Variants in RPH3AL observed in about 807,000 individuals in gnomAD.
The protein encoded by RPH3AL is rab effector Noc2.
A neutral mutation model predicts 43.1 loss-of-function variants in RPH3AL; 38 were observed. The ratio of observed to expected loss-of-function variants is 0.88; its 90% CI spans 0.68 to 1.15. RPH3AL has a LOEUF of 1.15. Ranked by LOEUF, RPH3AL falls within the 50% of genes most tolerant of loss-of-function variation. RPH3AL has a pLI of 0.00. For synonymous variants in RPH3AL, 189 were observed against 176.3 expected (o/e 1.07, Z -0.57); for missense variants, 462 against 423.2 (o/e 1.09, Z -0.81).
Position 258,434 on chromosome 17 carries a change from C to G in RPH3AL, c.439-11149G>C, listed in dbSNP as rs73971677. On this transcript the variant is annotated intron_variant, in intron 6 of 9. Transcript: ENST00000331302. ...ACTCAAGTTCCTGTAATTAATCAAA[C>G]GGACTTCCTATTTCAGATTAAAAGA... Among the ~76,000 whole-genome samples, 597 of 152,294 alleles carry G rather than the reference C, an allele frequency of 3.9e-3. 1 individual carries two copies. Among genetic ancestry groups the G allele is most frequent in the East Asian group, 0.015 (78 of 5,192 alleles).
intron 7 of RPH3AL, among the ~76,000 whole-genome samples, chr17:227,515 C>A (rs1443454511): frequency 8.5e-5 from 13 of 152,204 alleles, no homozygotes; most frequent in African/African-American, 3.1e-4. Context: ...TCAGCCACCA[C>A]CTGTCTCTGT....
chr17:242,283 C>CTACCTTCCTCTATTGAT lies in RPH3AL; in HGVS notation c.613+4811_613+4827dup, dbSNP rs1202787901. 1.3e-4 allele frequency among the ~76,000 whole-genome samples: 16 copies of CTACCTTCCTCTATTGAT among 121,396 alleles called. 1 individual carries two copies. Among genetic ancestry groups the CTACCTTCCTCTATTGAT allele is most frequent in the South Asian group, 2.7e-4 (1 of 3,760 alleles). 79.6% of individuals were successfully genotyped at this position (121,396 alleles called of 152,430 possible). A position where few individuals can be genotyped will look rare whatever the true frequency, so the allele number is the denominator to read the frequency against. Reference sequence around the variant, plus strand: ...TCTATTGATTACCTTCCTCTATTGACTACCTTCCTCTATTGATTACCTTCC... The same window carrying CTACCTTCCTCTATTGAT: ...TCTATTGATTACCTTCCTCTATTGACTACCTTCCTCTATTGATTACCTTCCTCTATTGATTACCTTCC... On this transcript the variant is annotated intron_variant, in intron 7 of 9. Transcript: ENST00000331302.
intron 7 of RPH3AL, among the ~76,000 whole-genome samples, chr17:235,251 A>C (rs71372174): frequency 0.13 from 13,719 of 105,668 alleles, 905 homozygotes; most frequent in Middle Eastern, 0.17. Flanking sequence ...AGACGGGTCC[A>C]GGGTCCAAAG....
At chr17:302,571 C>T (rs4354994) in intron 5 of RPH3AL, among the ~76,000 whole-genome samples, 40,600 of 152,022 alleles carry the variant, frequency 0.27, 5,723 homozygotes, top group South Asian at 0.39. Context: ...GACCCCAGGA[C>T]GAGGCTAAGC....
rs770337783 is a variant in RPH3AL, at chr17:333,106, G to A, written c.-37+653C>T. 84 of 1,282,138 alleles carry A rather than the reference G, an allele frequency of 6.6e-5. No homozygotes were observed. Among genetic ancestry groups the A allele is most frequent in the Middle Eastern group, 2.1e-4 (1 of 4,698 alleles). The allele number at this position is 1,282,138 out of a possible 1,614,324, so 79.4% of individuals were successfully genotyped here. A position where few individuals can be genotyped will look rare whatever the true frequency, so the allele number is the denominator to read the frequency against. On this transcript the variant is annotated intron_variant, in intron 2 of 9. Transcript: ENST00000331302. The surrounding 1 kb of genome is among the most constrained non-coding windows in gnomAD (Gnocchi z 4.5). Reference sequence around the variant, plus strand: ...CGAGAGCTCACCACCCCGGGCGTTCGTCACTGCAGACATCACTGCAGACAC... The same window carrying A: ...CGAGAGCTCACCACCCCGGGCGTTCATCACTGCAGACATCACTGCAGACAC...
chr17:236,373 C>G (rs576155533), intron 7 of RPH3AL, among the ~76,000 whole-genome samples: 1 of 152,372 alleles, frequency 6.6e-6, no homozygotes, highest in South Asian at 2.1e-4. Flanking sequence ...GTCCCCTGCC[C>G]TGCCTCAGCT....
chr17:283,645 C>T lies in RPH3AL; in HGVS notation c.352-1791G>A, dbSNP rs1274643529. On this transcript the variant is annotated intron_variant, in intron 5 of 9. Transcript: ENST00000331302. The surrounding 1 kb of genome is among the most constrained non-coding windows in gnomAD (Gnocchi z 4.2). ...CCTCACTGCTGGCCTTCTTGCTTCC[C>T]AAGCTCTCATGACCCCATGAGAGGG... Among the ~76,000 whole-genome samples the T allele has an allele frequency of 2.0e-5, 3 of 152,060 alleles. No homozygotes were observed. The highest frequency in any genetic ancestry group is 4.8e-5 in the African/African-American group (2 of 41,424).
At chr17:248,023 C>A (rs1213631366) in intron 6 of RPH3AL, among the ~76,000 whole-genome samples, 3 of 150,714 alleles carry the variant, frequency 2.0e-5, no homozygotes, top group Non-Finnish European at 4.4e-5. Flanking sequence ...AGCCCCCAAG[C>A]TCTCCTCCCT....
At chr17:242,016 C>CTA (rs2041550730) in intron 7 of RPH3AL, among the ~76,000 whole-genome samples, 2 of 151,976 alleles carry the variant, frequency 1.3e-5, no homozygotes, top group Admixed American at 1.3e-4. Context: ...ATTCAGGAGG[C>CTA]TAAGACTTGA....
At position 314,883 on chromosome 17, in the gene RPH3AL, A is replaced by T. The variant is rs1201324172; in HGVS notation, c.351+4537T>A. ...CTGTGCCCCACCTCCATTGACCTGT[A>T]GTCTCTGTGCTCCACCTCCATTGAC... On this transcript the variant is annotated intron_variant, in intron 5 of 9. Transcript: ENST00000331302. Among the ~76,000 whole-genome samples the T allele has an allele frequency of 1.1e-3, 110 of 99,820 alleles. No homozygotes were observed. The Middle Eastern group carries it at 0.033, about 30-fold the overall frequency. 65.5% of individuals were successfully genotyped at this position (99,820 alleles called of 152,430 possible). A position where few individuals can be genotyped will look rare whatever the true frequency, so the allele number is the denominator to read the frequency against.
intron 6 of RPH3AL, among the ~76,000 whole-genome samples, chr17:255,341 C>G (rs1262920637): frequency 2.7e-3 from 2 of 754 alleles, no homozygotes; most frequent in Non-Finnish European, 4.2e-3. Flanking sequence ...CCTGTTCCAT[C>G]CCTAGGAACG....
chr17:215,296 T>C lies in RPH3AL; in HGVS notation c.876+358A>G, dbSNP rs900546107. 1.3e-5 allele frequency among the ~76,000 whole-genome samples: 2 copies of C among 152,132 alleles called. No homozygotes were observed. The highest frequency in any genetic ancestry group is 2.9e-5 in the Non-Finnish European group (2 of 68,018). Reference sequence around the variant, plus strand: ...CCCAGGATTCTCCCCTCACTCTCTCTCTGTGCCTTGGTTTCTACACCCATC... The same window carrying C: ...CCCAGGATTCTCCCCTCACTCTCTCCCTGTGCCTTGGTTTCTACACCCATC... On this transcript the variant is annotated intron_variant, in intron 9 of 9. Coordinates refer to ENST00000331302, the MANE Select transcript of RPH3AL (RefSeq NM_006987.4). The surrounding 1 kb of genome is among the most constrained non-coding windows in gnomAD (Gnocchi z 4.1).
rs191621783 is a variant in RPH3AL, at chr17:290,720, C to T, written c.352-8866G>A. ...TTTCATGATGAGGAATTCCACCACG[C>T]TCCCGCAGATCAGAAGACGGGAAGG... On this transcript the variant is annotated intron_variant, in intron 5 of 9. Transcript: ENST00000331302. The surrounding 1 kb of genome is among the most constrained non-coding windows in gnomAD (Gnocchi z 4.2). 9.8e-5 allele frequency among the ~76,000 whole-genome samples: 15 copies of T among 152,310 alleles called. No individual in the cohort carries two copies. The South Asian group carries it at 2.3e-3, about 23-fold the overall frequency.
rs890442955 is a variant in RPH3AL, at chr17:327,588, A to C, written c.-36-9T>G. ...GGGGTGGGGAGTCACATCTGAGATGAAGGAGGGAAGACGAAAGAGTGTGCA... is the reference window on the plus strand; with the variant it reads ...GGGGTGGGGAGTCACATCTGAGATGCAGGAGGGAAGACGAAAGAGTGTGCA... On this transcript the variant is annotated splice_polypyrimidine_tract_variant and intron_variant, in intron 2 of 9. Transcript: ENST00000331302. 2 of 1,576,840 alleles carry C rather than the reference A, an allele frequency of 1.3e-6. No individual in the cohort carries two copies. The highest frequency in any genetic ancestry group is 2.7e-5 in the African/African-American group (2 of 74,198).
At chr17:308,048 C>T (rs541333908) in intron 5 of RPH3AL, among the ~76,000 whole-genome samples, 16 of 152,286 alleles carry the variant, frequency 1.1e-4, no homozygotes, top group South Asian at 4.1e-4. Flanking sequence ...TGACTTTTTC[C>T]GGGAATTTAG....
chr17:276,766 T>C lies in RPH3AL; in HGVS notation c.438+5002A>G, dbSNP rs1015081544. Among the ~76,000 whole-genome samples the C allele has an allele frequency of 3.9e-5, 6 of 152,238 alleles. 1 individual carries two copies. In the South Asian group the frequency reaches 8.3e-4, roughly 21 times the overall value. On this transcript the variant is annotated intron_variant, in intron 6 of 9. Transcript: ENST00000331302. ...TCTTTCACCATTTCACTATTCGCTC[T>C]CATTTTCTGGGTACCAATTCTCCAA... is the stretch of plus-strand genomic sequence containing the variant.
At chr17:260,201 A>T (rs2042166162) in intron 6 of RPH3AL, among the ~76,000 whole-genome samples, 5 of 152,154 alleles carry the variant, frequency 3.3e-5, no homozygotes, top group Admixed American at 2.6e-4. Context: ...AGTGCCTTTC[A>T]TCAGCATCTC....
chr17:330,899 A>T (rs2044737880), intron 2 of RPH3AL: 1 of 151,982 alleles, frequency 6.6e-6, no homozygotes, highest in South Asian at 2.1e-4. Context: ...AGATCTGTGA[A>T]ATTTTGGCTT....
chr17:310,579 G>C (rs1054226970), intron 5 of RPH3AL, among the ~76,000 whole-genome samples: 1 of 152,180 alleles, frequency 6.6e-6, no homozygotes, highest in African/African-American at 2.4e-5. Flanking sequence ...GATAAACAGG[G>C]AGGTGGCCCA....
Sources: allele counts gnomAD v4.1 joint callset (sites outside exome capture counted in the v4.1 genomes callset), GRCh38; gene constraint gnomAD v4.1.1; non-coding constraint Gnocchi (gnomAD v3.1); transcripts MANE v1.5; gene names NCBI Gene and HGNC (gene_info 2026-07-23, HGNC 2026-07-21).